Variants in B4GALT5 observed in about 807,000 individuals in gnomAD.
B4GALT5 encodes the protein UDP-Gal:beta-GlcNAc beta-1,4-galactosyltransferase 5.
Under a neutral mutation model 45.0 loss-of-function variants are expected in B4GALT5, and 11 were observed. The observed-to-expected ratio is 0.24, with a 90% confidence interval of 0.15 to 0.40. The LOEUF is 0.40. Ranked by LOEUF, B4GALT5 falls within the 10% of genes least tolerant of loss-of-function variation. The pLI is 1.00. For missense variants in B4GALT5, 337 were observed against 500.2 expected (o/e 0.67, Z 3.11); for synonymous variants, 185 against 182.9 (o/e 1.01, Z -0.09).
intron 2 of B4GALT5, among the ~76,000 whole-genome samples, chr20:49,648,519 T>C (rs1349386027): frequency 1.3e-5 from 2 of 152,196 alleles, no homozygotes; most frequent in East Asian, 3.8e-4. Flanking sequence ...CTGGGGTGGT[T>C]GCTGGTTCTC....
At chr20:49,703,165 C>CAAAAA (rs11452162) in intron 1 of B4GALT5, among the ~76,000 whole-genome samples, 1 of 91,240 alleles carries the variant, frequency 1.1e-5, no homozygotes, top group Non-Finnish European at 2.1e-5. Context: ...GACTCCGTCT[C>CAAAAA]AAAAAAAAAA....
intron 3 of B4GALT5, among the ~76,000 whole-genome samples, 199 bp from the exon 4 acceptor site, chr20:49,643,849 A>G (rs994815004): frequency 1.3e-5 from 2 of 151,572 alleles, no homozygotes; most frequent in African/African-American, 4.9e-5. Flanking sequence ...AAATCAAGGA[A>G]TTAAGACTTT....
chr20:49,697,275 C>A (rs570277937), intron 1 of B4GALT5, among the ~76,000 whole-genome samples: 42 of 152,382 alleles, frequency 2.8e-4, no homozygotes, highest in African/African-American at 1.0e-3. Context: ...CTTCAGCAGC[C>A]ACAGCACCTG....
chr20:49,664,433 C>T (rs1244362997), intron 1 of B4GALT5, among the ~76,000 whole-genome samples: 11 of 135,840 alleles, frequency 8.1e-5, no homozygotes, highest in African/African-American at 3.0e-4. Flanking sequence ...CACACACACA[C>T]ACACACACAC....
intron 1 of B4GALT5, among the ~76,000 whole-genome samples, chr20:49,694,839 TACACACAC>T (rs71339447): frequency 6.7e-6 from 1 of 149,602 alleles, no homozygotes; most frequent in Non-Finnish European, 1.5e-5. Context: ...GACAGACAGA[TACACACAC>T]ACACACACAC....
chr20:49,660,901 A>G (rs1217330875), intron 1 of B4GALT5, among the ~76,000 whole-genome samples: 2 of 152,208 alleles, frequency 1.3e-5, no homozygotes, highest in African/African-American at 4.8e-5. Context: ...TCAAGGCTGC[A>G]GTGAACCATG....
chr20:49,698,126 A>G (rs1442035467), intron 1 of B4GALT5, among the ~76,000 whole-genome samples: 1 of 152,186 alleles, frequency 6.6e-6, no homozygotes, highest in Non-Finnish European at 1.5e-5. Context: ...GTTCAAGACC[A>G]GCCTGGCCAA....
intron 1 of B4GALT5, among the ~76,000 whole-genome samples, chr20:49,661,370 G>C (rs765926794): frequency 2.6e-5 from 4 of 152,134 alleles, no homozygotes; most frequent in Admixed American, 6.5e-5. Flanking sequence ...GAGTAGCCGG[G>C]ATTACAGGCA....
At chr20:49,672,907 T>C in intron 1 of B4GALT5, among the ~76,000 whole-genome samples, 1 of 152,184 alleles carries the variant, frequency 6.6e-6, no homozygotes. Context: ...ACAGATCACA[T>C]AACTGCAAAG....
At chr20:49,690,645 G>A (rs778458093) in intron 1 of B4GALT5, among the ~76,000 whole-genome samples, 1 of 151,886 alleles carries the variant, frequency 6.6e-6, no homozygotes. Context: ...ACAAAAAGTT[G>A]CAAAAAAGTT....
rs112639755 is a variant in B4GALT5 at position 49,635,445 on chromosome 20, G to C, written c.*867C>G. On this transcript the variant is annotated 3_prime_UTR_variant, in exon 9 of 9. Coordinates refer to ENST00000371711, the MANE Select transcript of B4GALT5 (RefSeq NM_004776.4). ...CAGAAGTCAAGGGCAAGACTCGTGG[G>C]GGGGGGAAGAAAGGGACAGAAGCCA... 32 of 152,006 alleles carry C rather than the reference G, an allele frequency of 2.1e-4. No homozygotes were observed. Among genetic ancestry groups the C allele is most frequent in the East Asian group, 3.9e-4 (2 of 5,192 alleles). The allele number at this position is 152,006 out of a possible 1,614,324, so 9.4% of individuals were successfully genotyped here.
intron 4 of B4GALT5, 91 bp from the exon 5 acceptor site, chr20:49,642,675 TGGGAG>T: frequency 1.3e-6 from 1 of 779,238 alleles, no homozygotes; most frequent in Admixed American, 2.4e-5. Flanking sequence ...GACCAACCCA[TGGGAG>T]TTCTGGGAGG....
rs146020218 is a variant in B4GALT5, at chr20:49,700,170, C to A, written c.115+13406G>T. On this transcript the variant is annotated intron_variant, in intron 1 of 8. Coordinates refer to ENST00000371711, the MANE Select transcript of B4GALT5 (RefSeq NM_004776.4). Reference sequence around the variant, plus strand: ...CACAGACCTTGGGCCTGGGTGCATGCCCTTAACCTTGGTAAAATAAACTTC... The same window carrying A: ...CACAGACCTTGGGCCTGGGTGCATGACCTTAACCTTGGTAAAATAAACTTC... 5.8e-4 allele frequency among the ~76,000 whole-genome samples: 89 copies of A among 152,280 alleles called. 1 individual carries two copies. The highest frequency in any genetic ancestry group is 2.1e-3 in the African/African-American group (86 of 41,562).
chr20:49,699,858 AG>A, intron 1 of B4GALT5, among the ~76,000 whole-genome samples: 1 of 152,314 alleles, frequency 6.6e-6, no homozygotes, highest in Non-Finnish European at 1.5e-5. Flanking sequence ...TATAGGACAA[AG>A]GACAGAACTT....
intron 1 of B4GALT5, among the ~76,000 whole-genome samples, chr20:49,691,711 T>G (rs1600552340): frequency 6.6e-6 from 1 of 152,186 alleles, no homozygotes; most frequent in East Asian, 1.9e-4. Context: ...CATACTCCCC[T>G]AAAAAAAGAT....
Position 49,640,628 on chromosome 20 carries a change from T to C in B4GALT5, c.644A>G (p.Asn215Ser). 1.9e-6 allele frequency: 3 copies of C among 1,613,174 alleles called. No homozygotes were observed. Among genetic ancestry groups the C allele is most frequent in the Non-Finnish European group, 2.5e-6 (3 of 1,179,708 alleles). ...TQPFNRAMLFNVGFQEAMKDL... is the reference protein window; with the variant it reads ...TQPFNRAMLFSVGFQEAMKDL... The stretch of plus-strand genomic sequence containing the variant: ...TTTCATTGCCTCTTGAAAGCCAACG[T>C]TGAAAAGCATGGCTCGATTAAAGGG... Residue 215 changes from asparagine (N) to serine (S), a missense_variant, in exon 6 of 9, where the codon AAC becomes AGC. This residue lies in a region of B4GALT5 where 163 missense variants were observed against 292.8 expected (regional missense o/e 0.56). Coordinates refer to ENST00000371711, the MANE Select transcript of B4GALT5 (RefSeq NM_004776.4).
intron 2 of B4GALT5, among the ~76,000 whole-genome samples, chr20:49,649,719 A>C (rs1244773868): frequency 3.3e-5 from 5 of 152,240 alleles, no homozygotes. Context: ...TACTTCAAAA[A>C]TCTATGTGAA....
rs144819796 is a variant in B4GALT5, at chr20:49,703,332, T to C, written c.115+10244A>G. Among the ~76,000 whole-genome samples, 1,195 of 152,240 alleles carry C rather than the reference T, an allele frequency of 7.8e-3. 10 individuals are homozygous for C. Among genetic ancestry groups the C allele is most frequent in the Non-Finnish European group, 0.012 (790 of 68,008 alleles). ...ACAAAGTAGATTTGGAAAAAATTAA[T>C]TCAGTCACTTCAAAATCAGGATTAA... On this transcript the variant is annotated intron_variant, in intron 1 of 8. Coordinates refer to ENST00000371711, the MANE Select transcript of B4GALT5 (RefSeq NM_004776.4).
chr20:49,666,059 G>C (rs777838403), intron 1 of B4GALT5, among the ~76,000 whole-genome samples: 1 of 152,112 alleles, frequency 6.6e-6, no homozygotes, highest in Non-Finnish European at 1.5e-5. Flanking sequence ...TTTCCAGTGG[G>C]CCAATGAGTA....
Sources: allele counts gnomAD v4.1 joint callset (sites outside exome capture counted in the v4.1 genomes callset), GRCh38; gene constraint gnomAD v4.1.1; regional missense constraint gnomAD v4.1.1; transcripts MANE v1.5; gene names NCBI Gene and HGNC (gene_info 2026-07-23, HGNC 2026-07-21).